Variants in GRK5 observed in about 807,000 individuals in gnomAD.
GRK5 encodes the protein G protein-coupled receptor kinase 5, also known as g protein-coupled receptor kinase GRK5.
In GRK5, 40 loss-of-function variants were observed where a neutral mutation model predicts 78.4. The ratio of observed to expected loss-of-function variants is 0.51; its 90% CI spans 0.40 to 0.66. The LOEUF (loss-of-function observed/expected upper bound fraction) is 0.66. GRK5 is among the 30% of genes least tolerant of loss of function. GRK5 has a pLI of 0.00. For synonymous variants in GRK5, 289 were observed against 296.8 expected (o/e 0.97, Z 0.27); for missense variants, 598 against 759.9 (o/e 0.79, Z 2.50).
At chr10:119,287,709 C>T (rs1325216963) in intron 1 of GRK5, among the ~76,000 whole-genome samples, 1 of 152,226 alleles carries the variant, frequency 6.6e-6, no homozygotes, top group African/African-American at 2.4e-5. Flanking sequence ...CCCCCACCCA[C>T]TCCCACACTG....
intron 2 of GRK5, among the ~76,000 whole-genome samples, chr10:119,338,530 G>C (rs1481983888): frequency 6.6e-6 from 1 of 151,936 alleles, no homozygotes; most frequent in East Asian, 1.9e-4. Flanking sequence ...GTTTTCCCTT[G>C]TCATTAAAAT....
rs192289217 is a variant in GRK5 at position 119,450,346 on chromosome 10, G to A, written c.1404+2086G>A. On this transcript the variant is annotated intron_variant, in intron 13 of 15. Coordinates refer to ENST00000392870, the MANE Select transcript of GRK5 (RefSeq NM_005308.3). ...TACCTTCCAGCACACTCCAGGTCCC[G>A]TGCCAGGCCCCAAGGGAGATCCCAT... Among the ~76,000 whole-genome samples the A allele has an allele frequency of 2.5e-3, 381 of 152,286 alleles. 2 individuals carry two copies. Among genetic ancestry groups the A allele is most frequent in the African/African-American group, 8.6e-3 (356 of 41,542 alleles).
intron 1 of GRK5, among the ~76,000 whole-genome samples, chr10:119,241,096 C>T (rs1564860107): frequency 6.6e-6 from 1 of 152,056 alleles, no homozygotes; most frequent in South Asian, 2.1e-4. Flanking sequence ...GAAAAAAATC[C>T]GTGTTCTAGT....
chr10:119,348,911 G>A (rs1036820950), intron 2 of GRK5, among the ~76,000 whole-genome samples: 1 of 152,162 alleles, frequency 6.6e-6, no homozygotes, highest in Non-Finnish European at 1.5e-5. Context: ...CGACAGGGCC[G>A]CTCTGCTCAT....
intron 1 of GRK5, among the ~76,000 whole-genome samples, chr10:119,242,469 C>G (rs180812508): frequency 6.6e-6 from 1 of 150,838 alleles, no homozygotes; most frequent in Non-Finnish European, 1.5e-5. Flanking sequence ...AGCTGGGTAC[C>G]TGACTGGCTG....
chr10:119,259,640 CAG>C (rs1849341397), intron 1 of GRK5, among the ~76,000 whole-genome samples: 1 of 152,170 alleles, frequency 6.6e-6, no homozygotes, highest in Non-Finnish European at 1.5e-5. Flanking sequence ...GGAAGTGGGT[CAG>C]AGAGTTCAGA....
At chr10:119,345,457 G>A (rs936360030) in intron 2 of GRK5, among the ~76,000 whole-genome samples, 1 of 152,204 alleles carries the variant, frequency 6.6e-6, no homozygotes, top group African/African-American at 2.4e-5. Context: ...ATTCGCCCAT[G>A]GGTTGGATCT....
chr10:119,385,920 G>A (rs1014510596), intron 3 of GRK5, among the ~76,000 whole-genome samples: 5 of 151,256 alleles, frequency 3.3e-5, no homozygotes, highest in Admixed American at 1.3e-4. Flanking sequence ...AGTCTTACTC[G>A]GTCACCCAGG....
rs1850896530 is a variant in GRK5, at chr10:119,336,837, T to C, written c.148+10226T>C. 6.6e-6 allele frequency among the ~76,000 whole-genome samples: 1 copy of C among 152,140 alleles called. No homozygotes were observed. Among genetic ancestry groups the C allele is most frequent in the Admixed American group, 6.5e-5 (1 of 15,272 alleles). On this transcript the variant is annotated intron_variant, in intron 2 of 15. Coordinates refer to ENST00000392870, the MANE Select transcript of GRK5 (RefSeq NM_005308.3). The surrounding 1 kb of genome is among the most constrained non-coding windows in gnomAD (Gnocchi z 4.5). Reference sequence around the variant, plus strand: ...TTGGAGGGCGAAATAAATTTAGATGTGTCGGGTTTGGAACATCAGGTGACC... The same window carrying C: ...TTGGAGGGCGAAATAAATTTAGATGCGTCGGGTTTGGAACATCAGGTGACC...
intron 1 of GRK5, among the ~76,000 whole-genome samples, chr10:119,303,217 A>T (rs763683843): frequency 1.3e-5 from 2 of 152,224 alleles, no homozygotes; most frequent in African/African-American, 2.4e-5. Flanking sequence ...AGATCATGTT[A>T]TATCTGTAAA....
chr10:119,385,169 G>A (rs963214130), intron 3 of GRK5, among the ~76,000 whole-genome samples: 1 of 152,180 alleles, frequency 6.6e-6, no homozygotes, highest in Admixed American at 6.5e-5. Context: ...AAAACTTTGT[G>A]CCATCAGAGA....
intron 1 of GRK5, among the ~76,000 whole-genome samples, chr10:119,261,431 A>G (rs1179873222): frequency 6.9e-6 from 1 of 144,822 alleles, no homozygotes; most frequent in African/African-American, 2.6e-5. Context: ...AGCCAGGCAG[A>G]GGGGCTCCTC....
intron 1 of GRK5, among the ~76,000 whole-genome samples, chr10:119,304,861 G>A (rs1469500921): frequency 6.6e-6 from 1 of 152,208 alleles, no homozygotes; most frequent in Non-Finnish European, 1.5e-5. Context: ...GCAGTTGTTC[G>A]CTTAATGAGA....
At chr10:119,451,386 C>T (rs982124683) in intron 13 of GRK5, among the ~76,000 whole-genome samples, 3 of 152,140 alleles carry the variant, frequency 2.0e-5, no homozygotes, top group Admixed American at 2.0e-4. Context: ...TAACATTCCT[C>T]TGCAAGCCAC....
chr10:119,270,064 A>T (rs1281233390), intron 1 of GRK5, among the ~76,000 whole-genome samples: 1 of 151,876 alleles, frequency 6.6e-6, no homozygotes, highest in Non-Finnish European at 1.5e-5. Flanking sequence ...TCTCCTCTCC[A>T]CATTCCTTCA....
At chr10:119,226,713 T>TTTTTTC (rs1187932350) in intron 1 of GRK5, among the ~76,000 whole-genome samples, 5 of 151,762 alleles carry the variant, frequency 3.3e-5, no homozygotes, top group Admixed American at 6.6e-5. Context: ...CCCGGCTTTT[T>TTTTTTC]TTTTTCTTTT....
chr10:119,378,376 G>A lies in GRK5; in HGVS notation c.149-2439G>A, dbSNP rs1045123101. Among the ~76,000 whole-genome samples, 3 of 152,216 alleles carry A rather than the reference G, an allele frequency of 2.0e-5. No individual in the cohort carries two copies. The highest frequency in any genetic ancestry group is 2.9e-5 in the Non-Finnish European group (2 of 68,048). On this transcript the variant is annotated intron_variant, in intron 2 of 15. Coordinates refer to ENST00000392870, the MANE Select transcript of GRK5 (RefSeq NM_005308.3). The surrounding 1 kb of genome is among the most constrained non-coding windows in gnomAD (Gnocchi z 4.5). ...AAAACCATTTGAGAGTGGGCCAAGA[G>A]GGGACTTGGCAGGTTGCTCATCCAT...
At chr10:119,367,482 A>C (rs969738079) in intron 2 of GRK5, among the ~76,000 whole-genome samples, 6 of 152,188 alleles carry the variant, frequency 3.9e-5, no homozygotes, top group Non-Finnish European at 5.9e-5. Flanking sequence ...GGTCCCAGCG[A>C]GTTAAACCCA....
chr10:119,322,547 G>A (rs748144895), intron 1 of GRK5, among the ~76,000 whole-genome samples: 1 of 152,230 alleles, frequency 6.6e-6, no homozygotes, highest in East Asian at 1.9e-4. Context: ...ACACATATTG[G>A]TTGAACGAAT....
Sources: gnomAD v4.1 joint callset for allele counts (sites outside exome capture counted in the v4.1 genomes callset) on GRCh38, gnomAD v4.1.1 for gene constraint, Gnocchi (gnomAD v3.1) non-coding constraint, MANE v1.5 for transcripts, NCBI Gene and HGNC (gene_info 2026-07-23, HGNC 2026-07-21) for gene names.